The following ENPP1 variants were observed in gnomAD, a reference collection of about 807,000 sequenced individuals.
ENPP1 encodes ectonucleotide pyrophosphatase/phosphodiesterase 1, also known as ectonucleotide pyrophosphatase/phosphodiesterase family member 1.
ENPP1 carries 73 observed loss-of-function variants against 122.8 expected under a neutral mutation model. The ratio of observed to expected loss-of-function variants is 0.59; its 90% CI spans 0.49 to 0.72. The LOEUF (loss-of-function observed/expected upper bound fraction) is 0.72. ENPP1 is among the 30% of genes least tolerant of loss of function. The probability of loss-of-function intolerance (pLI) is 0.00; values close to 1 mark genes in which losing one functional copy is unlikely to be tolerated. For synonymous variants in ENPP1, 367 were observed against 391.6 expected, an observed-to-expected ratio of 0.94 and a Z score of 0.74; for missense variants, 978 against 1,128.1, an observed-to-expected ratio of 0.87 and a Z score of 1.91.
Position 131,808,160 on chromosome 6 carries a change from A to AT in ENPP1, c.125_126insT (p.Gln44AlafsTer33). 1 of 1,450,094 alleles carries AT rather than the reference A, an allele frequency of 6.9e-7. No homozygotes were observed. The highest frequency in any genetic ancestry group is 3.0e-5 in the East Asian group (1 of 33,238). The allele number at this position is 1,450,094 out of a possible 1,614,324, so 89.8% of individuals were successfully genotyped here. A position where few individuals can be genotyped will look rare whatever the true frequency, so the allele number is the denominator to read the frequency against. On this transcript the variant is annotated frameshift_variant, in exon 1 of 25. Transcript: ENST00000647893. LOFTEE classifies it high-confidence loss of function. Reference sequence around the variant, plus strand: ...AGCCACGCTGCCGAGGCGCCCGGGGACCCGCAGGCGGCCGCGTCCTTGCTG... The same window carrying AT: ...AGCCACGCTGCCGAGGCGCCCGGGGATCCCGCAGGCGGCCGCGTCCTTGCTG...
chr6:131,852,333 G>A, intron 5 of ENPP1, 98 bp downstream of exon 5: 2 of 775,412 alleles, frequency 2.6e-6, no homozygotes, highest in Admixed American at 2.0e-5. Flanking sequence ...TAAAATCACT[G>A]GTTTATTAAA....
Position 131,858,653 on chromosome 6 carries a change from T to C in ENPP1, c.716-15T>C, listed in dbSNP as rs751158406. On this transcript the variant is annotated splice_polypyrimidine_tract_variant and intron_variant, in intron 6 of 24. Coordinates refer to ENST00000647893, the MANE Select transcript of ENPP1 (RefSeq NM_006208.3). Reference sequence around the variant, plus strand: ...AGATGTATTTAATAACAATGTTTATTTTTTTCCCTTCTAGAAAAATGTGGA... The same window carrying C: ...AGATGTATTTAATAACAATGTTTATCTTTTTCCCTTCTAGAAAAATGTGGA... 1.4e-4 allele frequency: 215 copies of C among 1,538,234 alleles called. No individual in the cohort carries two copies. The highest frequency in any genetic ancestry group is 1.9e-4 in the Non-Finnish European group (210 of 1,112,406).
At chr6:131,876,815 A>C (rs904771146) in intron 17 of ENPP1, among the ~76,000 whole-genome samples, 177 bp from the exon 18 acceptor site, 1 of 152,226 alleles carries the variant, frequency 6.6e-6, no homozygotes, top group African/African-American at 2.4e-5. Flanking sequence ...CAGTATTTCT[A>C]TTAAAAATAA....
rs1334776673 is a variant in ENPP1 at position 131,808,173 on chromosome 6, C to G, written c.138C>G (p.Ala46=). 2.0e-6 allele frequency: 3 copies of G among 1,466,636 alleles called. No individual in the cohort carries two copies. The highest frequency in any genetic ancestry group is 1.8e-6 in the Non-Finnish European group (2 of 1,105,766). The allele number at this position is 1,466,636 out of a possible 1,614,324, so 90.9% of individuals were successfully genotyped here. The change falls in exon 1 of 25, where the codon GCC becomes GCG. Residue 46 remains alanine (A), a synonymous_variant. Coordinates refer to ENST00000647893, the MANE Select transcript of ENPP1 (RefSeq NM_006208.3). ...AAEAPGDPQA[A]ASLLAPMDVG... The stretch of plus-strand genomic sequence containing the variant: ...AGGCGCCCGGGGACCCGCAGGCGGC[C>G]GCGTCCTTGCTGGCCCCTATGGACG...
chr6:131,849,724 G>A (rs866930668), intron 2 of ENPP1, among the ~76,000 whole-genome samples: 12 of 152,074 alleles, frequency 7.9e-5, no homozygotes, highest in Non-Finnish European at 1.0e-4. Flanking sequence ...ACCCAGTAAC[G>A]TTTGTAATAA....
intron 7 of ENPP1, 149 bp from the exon 8 acceptor site, chr6:131,860,238 A>G: frequency 1.6e-6 from 1 of 626,582 alleles, no homozygotes. Flanking sequence ...GCGTTTTGCC[A>G]TTACCTGATT....
At chr6:131,851,416 A>C in intron 4 of ENPP1, 149 bp downstream of exon 4, 1 of 882,004 alleles carries the variant, frequency 1.1e-6, no homozygotes, top group East Asian at 2.7e-5. Flanking sequence ...TTTATTAAAG[A>C]AACTTTTAAA....
At chr6:131,880,731 A>G (rs1325167264) in intron 20 of ENPP1, among the ~76,000 whole-genome samples, 1 of 152,156 alleles carries the variant, frequency 6.6e-6, no homozygotes, top group Non-Finnish European at 1.5e-5. Flanking sequence ...TATTTCCCTC[A>G]GCTGTCCAAA....
chr6:131,855,376 A>G (rs1389424586), intron 6 of ENPP1, among the ~76,000 whole-genome samples: 3 of 152,104 alleles, frequency 2.0e-5, no homozygotes, highest in Admixed American at 6.5e-5. Context: ...CCCAGGCTGG[A>G]GTGCAGTGGT....
At chr6:131,850,746 G>A (rs1781870356) in intron 3 of ENPP1, among the ~76,000 whole-genome samples, 1 of 152,098 alleles carries the variant, frequency 6.6e-6, no homozygotes, top group Non-Finnish European at 1.5e-5. Flanking sequence ...TTTTTAAAAT[G>A]TTTGTAGAGA....
intron 7 of ENPP1, among the ~76,000 whole-genome samples, 167 bp downstream of exon 7, chr6:131,858,914 C>T (rs554968879): frequency 6.6e-6 from 1 of 152,310 alleles, no homozygotes; most frequent in South Asian, 2.1e-4. Flanking sequence ...CTAGCTGTGG[C>T]TTTGGAAAGG....
intron 6 of ENPP1, among the ~76,000 whole-genome samples, chr6:131,855,516 G>C (rs1049152783): frequency 5.9e-5 from 9 of 151,812 alleles, no homozygotes; most frequent in Non-Finnish European, 1.2e-4. Flanking sequence ...AGTAGAGACA[G>C]GGTTTTGCCA....
chr6:131,888,270 A>G (rs532323382), intron 24 of ENPP1, among the ~76,000 whole-genome samples: 64 of 148,966 alleles, frequency 4.3e-4, no homozygotes, highest in African/African-American at 1.5e-3. Context: ...GACACCAAGT[A>G]AGTCTAAACC....
intron 1 of ENPP1, among the ~76,000 whole-genome samples, chr6:131,818,474 G>T (rs915370546): frequency 6.6e-6 from 1 of 151,914 alleles, no homozygotes; most frequent in Non-Finnish European, 1.5e-5. Context: ...GTGAAATGCC[G>T]TCTCTACTAA....
chr6:131,871,872 A>C (rs1782166395), intron 13 of ENPP1, among the ~76,000 whole-genome samples, 198 bp from the exon 14 acceptor site: 1 of 152,166 alleles, frequency 6.6e-6, no homozygotes, highest in African/African-American at 2.4e-5. Flanking sequence ...ACACTATATC[A>C]TGGGTGTCAT....
Position 131,850,001 on chromosome 6 carries a change from A to G in ENPP1, c.325A>G (p.Lys109Glu). 1.2e-6 allele frequency: 2 copies of G among 1,613,460 alleles called. No homozygotes were observed. Among genetic ancestry groups the G allele is most frequent in the Non-Finnish European group, 1.7e-6 (2 of 1,179,368 alleles). ...TTCAATTTTTTCAGTTAAAAGTTGC[A>G]AAGGTCGCTGTTTCGAGAGAACATT... is the stretch of plus-strand genomic sequence containing the variant. ...PSCAKEVKSC[K>E]GRCFERTFGN... Residue 109 changes from lysine to glutamate, a missense_variant, in exon 3 of 25, where the codon AAA (lysine) becomes GAA (glutamate). Transcript: ENST00000647893.
At position 131,894,895 on chromosome 6, in the gene ENPP1, CTAT is replaced by C. The variant is rs1782526365; in HGVS notation, c.*4385_*4387del. The C allele has an allele frequency of 6.6e-6, 1 of 152,202 alleles. No homozygotes were observed. The highest frequency in any genetic ancestry group is 1.5e-5 in the Non-Finnish European group (1 of 68,070). The allele number at this position is 152,202 out of a possible 1,614,324, so 9.4% of individuals were successfully genotyped here. A position where few individuals can be genotyped will look rare whatever the true frequency, so the allele number is the denominator to read the frequency against. ...CCCACAATCACTCTCCTTCTTTGCG[CTAT>C]GGTAGGTGTTTACCCATCATAGGAA... On this transcript the variant is annotated 3_prime_UTR_variant, in exon 25 of 25. Coordinates refer to ENST00000647893, the MANE Select transcript of ENPP1 (RefSeq NM_006208.3).
Position 131,893,143 on chromosome 6 carries a change from C to T in ENPP1, c.*2632C>T, listed in dbSNP as rs925710225. 6.6e-6 allele frequency: 1 copy of T among 152,026 alleles called. No homozygotes were observed. The highest frequency in any genetic ancestry group is 2.4e-5 in the African/African-American group (1 of 41,378). 9.4% of individuals were successfully genotyped at this position (152,026 alleles called of 1,614,324 possible). On this transcript the variant is annotated 3_prime_UTR_variant, in exon 25 of 25. Transcript: ENST00000647893. ...CTACTCTGCCTTTGTAGAAGTGTCT[C>T]ACTGATTTTTACATATTTTTCCAGC...
In ENPP1 at chr6:131,868,007, C is replaced by G. The variant is rs751000987; in HGVS notation, c.1165-11C>G. On this transcript the variant is annotated splice_polypyrimidine_tract_variant and intron_variant, in intron 11 of 24. Transcript: ENST00000647893. ...AAGGTATCACATGAGGTTGTTGCTT[C>G]CCATTCTTAGGTCATCAAAGCCTTG... is the stretch of plus-strand genomic sequence containing the variant. 10 of 1,588,734 alleles carry G rather than the reference C, an allele frequency of 6.3e-6. No homozygotes were observed. In the East Asian group the frequency reaches 2.2e-4, roughly 36 times the overall value.
Sources: gnomAD v4.1 joint callset for allele counts (sites outside exome capture counted in the v4.1 genomes callset) on GRCh38, gnomAD v4.1.1 for gene constraint, MANE v1.5 for transcripts, NCBI Gene and HGNC (gene_info 2026-07-23, HGNC 2026-07-21) for gene names.